The following PRKN variants were observed in gnomAD, a reference collection of about 807,000 sequenced individuals.
The protein encoded by PRKN is E3 ubiquitin-protein ligase parkin.
PRKN carries 56 observed loss-of-function variants against 59.5 expected under a neutral mutation model. The observed-to-expected ratio is 0.94, with a 90% CI of 0.76 to 1.18. PRKN has a LOEUF of 1.18. PRKN is among the 50% of genes most tolerant of loss of function. The probability of loss-of-function intolerance (pLI) is 0.00; values close to 1 mark genes in which losing one functional copy is unlikely to be tolerated. For synonymous variants in PRKN, 250 were observed against 222.1 expected (o/e 1.13, Z -1.12); for missense variants, 657 against 596.4 (o/e 1.10, Z -1.06).
Position 162,245,003 on chromosome 6 carries a change from C to T in PRKN, c.412+17522G>A, listed in dbSNP as rs58729079. 1.1e-4 allele frequency among the ~76,000 whole-genome samples: 16 copies of T among 152,008 alleles called. No individual in the cohort carries two copies. In the East Asian group the frequency reaches 2.7e-3, roughly 26 times the overall value. ...GGGAAATACTTATTATTCTCTTGAG[C>T]GTAAAATATTGTATCTCTCTGGTGA... On this transcript the variant is annotated intron_variant, in intron 3 of 11. Coordinates refer to ENST00000366898, the MANE Select transcript of PRKN (RefSeq NM_004562.3).
intron 6 of PRKN, among the ~76,000 whole-genome samples, chr6:161,955,733 C>A (rs1404508372): frequency 6.6e-6 from 1 of 152,102 alleles, no homozygotes; most frequent in Non-Finnish European, 1.5e-5. Flanking sequence ...GCCTGTAATC[C>A]CAGCTACTTG....
chr6:161,863,926 A>G (rs1794007904), intron 6 of PRKN, among the ~76,000 whole-genome samples: 1 of 152,222 alleles, frequency 6.6e-6, no homozygotes, highest in Non-Finnish European at 1.5e-5. Flanking sequence ...TCAAAAAAGT[A>G]CATACCTTAA....
At chr6:162,603,572 A>C (rs1308266377) in intron 1 of PRKN, among the ~76,000 whole-genome samples, 1 of 152,206 alleles carries the variant, frequency 6.6e-6, no homozygotes, top group Non-Finnish European at 1.5e-5. Context: ...ACCAAAACAC[A>C]TGCAGGTCCC....
chr6:161,428,466 C>T lies in PRKN; in HGVS notation c.1084-41589G>A, dbSNP rs1210673172. On this transcript the variant is annotated intron_variant, in intron 9 of 11. Coordinates refer to ENST00000366898, the MANE Select transcript of PRKN (RefSeq NM_004562.3). The surrounding 1 kb of genome is among the most constrained non-coding windows in gnomAD (Gnocchi z 4.0). ...CTCATGGAGAGACAGGCGGCTGCTC[C>T]GTCCATCTTCGAACCTGGCTGGCAT... 1.3e-5 allele frequency among the ~76,000 whole-genome samples: 2 copies of T among 152,234 alleles called. No individual in the cohort carries two copies. Among genetic ancestry groups the T allele is most frequent in the Admixed American group, 1.3e-4 (2 of 15,290 alleles).
rs1441976780 is a variant in PRKN, at chr6:162,162,832, A to AC, written c.534+38298dup. On this transcript the variant is annotated intron_variant, in intron 4 of 11. Transcript: ENST00000366898. ...AGACCAGCCTGGCCAATATGGTGAA[A>AC]CCCCATCTCTACTAAAAATACAAAA... is the stretch of plus-strand genomic sequence containing the variant. Among the ~76,000 whole-genome samples, 9 of 148,384 alleles carry AC rather than the reference A, an allele frequency of 6.1e-5. No individual in the cohort carries two copies. In the East Asian group the frequency reaches 1.6e-3, roughly 26 times the overall value.
intron 1 of PRKN, among the ~76,000 whole-genome samples, chr6:162,698,248 C>A (rs2023038): frequency 6.6e-6 from 1 of 151,926 alleles, no homozygotes; most frequent in African/African-American, 2.4e-5. Context: ...CTAACAGAAC[C>A]TTGGCATTAC....
chr6:161,422,975 C>G (rs1339472344), intron 9 of PRKN, among the ~76,000 whole-genome samples: 5 of 152,160 alleles, frequency 3.3e-5, no homozygotes, highest in Non-Finnish European at 7.3e-5. Context: ...ATGAGACAAG[C>G]TGGGCATGCA....
intron 2 of PRKN, among the ~76,000 whole-genome samples, chr6:162,409,564 A>G (rs1432254501): frequency 6.6e-6 from 1 of 152,206 alleles, no homozygotes; most frequent in Non-Finnish European, 1.5e-5. Flanking sequence ...ATCAAACATG[A>G]TAGAATATTA....
intron 9 of PRKN, among the ~76,000 whole-genome samples, chr6:161,392,367 G>C (rs1204064990): frequency 6.6e-6 from 1 of 151,874 alleles, no homozygotes; most frequent in African/African-American, 2.4e-5. Flanking sequence ...CTGGGTGACA[G>C]GGTGAGACTC....
In PRKN at chr6:161,576,833, A is replaced by T. The variant is rs1252917804; in HGVS notation, c.872-7417T>A. Among the ~76,000 whole-genome samples, 2 of 152,230 alleles carry T rather than the reference A, an allele frequency of 1.3e-5. No individual in the cohort carries two copies. The highest frequency in any genetic ancestry group is 2.9e-5 in the Non-Finnish European group (2 of 68,042). On this transcript the variant is annotated intron_variant, in intron 7 of 11. Coordinates refer to ENST00000366898, the MANE Select transcript of PRKN (RefSeq NM_004562.3). This position sits in a 1 kb window ranked among gnomAD's most constrained non-coding sequence, Gnocchi z 4.6. ...GATTTTTAGGAATTGAGTTAATATG[A>T]GTTAGCTAGAGTGAAATGTATCAAA...
chr6:161,756,376 A>G (rs899182724), intron 7 of PRKN, among the ~76,000 whole-genome samples: 4 of 123,058 alleles, frequency 3.3e-5, no homozygotes, highest in African/African-American at 1.2e-4. Context: ...TGGGAGGTGG[A>G]GGCTGCAGTG....
chr6:162,222,961 A>G (rs1326059063), intron 3 of PRKN, among the ~76,000 whole-genome samples: 2 of 150,116 alleles, frequency 1.3e-5, no homozygotes, highest in South Asian at 2.1e-4. Flanking sequence ...GCACCCATTA[A>G]CTCATCATTT....
chr6:161,403,664 C>T (rs923949579), intron 9 of PRKN, among the ~76,000 whole-genome samples: 3 of 152,162 alleles, frequency 2.0e-5, no homozygotes, highest in Non-Finnish European at 4.4e-5. Flanking sequence ...TTCTCCCTAG[C>T]CCTCCTTTGC....
At chr6:162,223,480 A>G (rs1194903629) in intron 3 of PRKN, among the ~76,000 whole-genome samples, 1 of 121,310 alleles carries the variant, frequency 8.2e-6, no homozygotes, top group Non-Finnish European at 1.6e-5. Context: ...ACTCCTAGAT[A>G]TGCTTGTAAA....
At chr6:162,211,686 T>C (rs180900178) in intron 3 of PRKN, among the ~76,000 whole-genome samples, 2 of 152,280 alleles carry the variant, frequency 1.3e-5, no homozygotes, top group Admixed American at 1.3e-4. Flanking sequence ...TGTATAAATA[T>C]TTTATTTACA....
At chr6:162,156,911 C>T (rs1391625696) in intron 4 of PRKN, among the ~76,000 whole-genome samples, 1 of 152,118 alleles carries the variant, frequency 6.6e-6, no homozygotes, top group African/African-American at 2.4e-5. Context: ...CCTGATTTGT[C>T]TAAGCATCCC....
At chr6:162,285,058 T>G (rs1019290174) in intron 2 of PRKN, among the ~76,000 whole-genome samples, 88 of 152,120 alleles carry the variant, frequency 5.8e-4, no homozygotes, top group African/African-American at 1.9e-3. Context: ...AGAAGACATC[T>G]GTAAGCCCAG....
At chr6:162,448,841 C>T (rs1790447374) in intron 1 of PRKN, among the ~76,000 whole-genome samples, 1 of 150,946 alleles carries the variant, frequency 6.6e-6, no homozygotes, top group Non-Finnish European at 1.5e-5. Context: ...TCCCTCCTTC[C>T]CTTCCTCCCT....
chr6:161,844,808 C>A (rs1301233608), intron 6 of PRKN, among the ~76,000 whole-genome samples: 2 of 152,264 alleles, frequency 1.3e-5, no homozygotes, highest in Admixed American at 6.5e-5. Context: ...CGCTTCGCTT[C>A]AGGCCTGCCT....
Sources: gnomAD v4.1 joint callset for allele counts (sites outside exome capture counted in the v4.1 genomes callset) on GRCh38, gnomAD v4.1.1 for gene constraint, Gnocchi (gnomAD v3.1) non-coding constraint, MANE v1.5 for transcripts, NCBI Gene and HGNC (gene_info 2026-07-23, HGNC 2026-07-21) for gene names.